Variants in CPAP observed in about 807,000 individuals in gnomAD.
CPAP encodes the protein centrosome assembly and centriole elongation protein, also known as centrosomal P4.1-associated protein.
chr13:24,906,281 T>A, the CPAP span: 1 of 1,602,350 alleles, frequency 6.2e-7, no homozygotes. Flanking sequence ...TGATATTTCA[T>A]CAGCAGCTTG....
the CPAP span, among the ~76,000 whole-genome samples, chr13:24,923,102 G>T: frequency 5.3e-5 from 8 of 152,328 alleles, no homozygotes; most frequent in East Asian, 1.5e-3. Context: ...GGTGGACGTC[G>T]CCCCAGGCTC....
At chr13:24,898,391 T>C in the CPAP span, among the ~76,000 whole-genome samples, 1 of 152,156 alleles carries the variant, frequency 6.6e-6, no homozygotes, top group African/African-American at 2.4e-5. Flanking sequence ...CTTGCTACTT[T>C]TATGTATTTT....
At chr13:24,913,378 T>C in the CPAP span, among the ~76,000 whole-genome samples, 1 of 152,044 alleles carries the variant, frequency 6.6e-6, no homozygotes, top group Non-Finnish European at 1.5e-5. Context: ...ATAAAATACC[T>C]TTTAAGTTAT....
chr13:24,912,700 G>C, the CPAP span: 1 of 1,614,110 alleles, frequency 6.2e-7, no homozygotes, highest in South Asian at 1.1e-5. Context: ...GTGACATGCC[G>C]CTACCTGTGG....
the CPAP span, among the ~76,000 whole-genome samples, chr13:24,898,962 T>C: frequency 6.6e-6 from 1 of 152,250 alleles, no homozygotes; most frequent in Non-Finnish European, 1.5e-5. Context: ...AGAAGGTTTA[T>C]AGTTTTAGCA....
At chr13:24,883,304 C>T in the CPAP span, 2 of 1,613,716 alleles carry the variant, frequency 1.2e-6, no homozygotes, top group Non-Finnish European at 1.7e-6. Flanking sequence ...GTATTCCCGT[C>T]TCTTGAACTG....
the CPAP span, among the ~76,000 whole-genome samples, chr13:24,908,423 A>C: frequency 1.1e-5 from 1 of 93,474 alleles, no homozygotes; most frequent in African/African-American, 4.1e-5. Flanking sequence ...ACGTGGCGAA[A>C]CCCCGTCTCT....
the CPAP span, among the ~76,000 whole-genome samples, chr13:24,890,479 C>T: frequency 4.6e-5 from 7 of 152,180 alleles, no homozygotes; most frequent in African/African-American, 1.7e-4. Flanking sequence ...TCTGGGCCCA[C>T]GCTGTCCTCA....
chr13:24,892,547 G>A, the CPAP span: 607 of 958,056 alleles, frequency 6.3e-4, 6 homozygotes, highest in South Asian at 4.9e-3. Flanking sequence ...CCCAGCCCCT[G>A]GCAGCTCCCA....
the CPAP span, chr13:24,893,012 C>T: frequency 2.0e-5 from 14 of 700,050 alleles, no homozygotes; most frequent in African/African-American, 5.4e-5. Context: ...AGACGAATGT[C>T]GTGGTTTTCA....
the CPAP span, chr13:24,899,619 A>G: frequency 3.8e-6 from 6 of 1,571,546 alleles, no homozygotes; most frequent in African/African-American, 8.1e-5. Context: ...ACCTAAGGAG[A>G]CCATCTCAGT....
the CPAP span, chr13:24,912,021 A>G: frequency 6.2e-7 from 1 of 1,613,870 alleles, no homozygotes; most frequent in Non-Finnish European, 8.5e-7. Context: ...AGTTGCTCCA[A>G]CTGTTGCCTC....
chr13:24,922,229 G>A, the CPAP span, among the ~76,000 whole-genome samples: 1 of 152,142 alleles, frequency 6.6e-6, no homozygotes, highest in Admixed American at 6.5e-5. Flanking sequence ...TTCTCTGCAC[G>A]GTGAGGGAGG....
chr13:24,888,697 G>A, the CPAP span, among the ~76,000 whole-genome samples: 1 of 152,218 alleles, frequency 6.6e-6, no homozygotes, highest in Non-Finnish European at 1.5e-5. Context: ...ACGCTCTGCA[G>A]CCCTATTCAT....
chr13:24,886,976 G>A, the CPAP span, among the ~76,000 whole-genome samples: 1 of 152,232 alleles, frequency 6.6e-6, no homozygotes, highest in South Asian at 2.1e-4. Flanking sequence ...CAGGCTCCAG[G>A]TGCAAGCACA....
the CPAP span, among the ~76,000 whole-genome samples, chr13:24,914,262 T>C: frequency 6.6e-6 from 1 of 152,124 alleles, no homozygotes; most frequent in Non-Finnish European, 1.5e-5. Flanking sequence ...CCAGCCTTCC[T>C]AACCTTCATC....
At chr13:24,915,271 G>C in the CPAP span, among the ~76,000 whole-genome samples, 3 of 152,090 alleles carry the variant, frequency 2.0e-5, no homozygotes, top group African/African-American at 7.2e-5. Context: ...CTGAAATGCG[G>C]AAGATGGAGG....
At chr13:24,909,975 G>A in the CPAP span, 1 of 1,614,162 alleles carries the variant, frequency 6.2e-7, no homozygotes, top group Non-Finnish European at 8.5e-7. Context: ...TTCTTCCTGG[G>A]TTGGGTCCGG....
At chr13:24,907,713 G>A in the CPAP span, among the ~76,000 whole-genome samples, 1 of 152,124 alleles carries the variant, frequency 6.6e-6, no homozygotes, top group Non-Finnish European at 1.5e-5. Context: ...CCAAATGGGA[G>A]ATGTCAATAC....
Sources: gnomAD v4.1 joint callset for allele counts (sites outside exome capture counted in the v4.1 genomes callset) on GRCh38, gnomAD v4.1.1 for gene constraint, MANE v1.5 for transcripts, NCBI Gene and HGNC (gene_info 2026-07-23, HGNC 2026-07-21) for gene names.